PRRC2B: variants seen among roughly 807,000 people sequenced by gnomAD.
PRRC2B encodes protein PRRC2B.
A neutral mutation model predicts 242.3 loss-of-function variants in PRRC2B; 68 were observed. The ratio of observed to expected loss-of-function variants is 0.28; its 90% CI spans 0.23 to 0.34. The LOEUF is 0.34. PRRC2B is among the 10% of genes least tolerant of loss of function. The pLI is 1.00. For missense variants in PRRC2B, 2,835 were observed against 2,954.8 expected (o/e 0.96, Z 0.94); for synonymous variants, 1,228 against 1,173.6 (o/e 1.05, Z -0.95).
chr9:131,464,749 C>T lies in PRRC2B; in HGVS notation c.1405-14C>T. On this transcript the variant is annotated splice_polypyrimidine_tract_variant and intron_variant, in intron 11 of 31. Coordinates refer to ENST00000683519, the MANE Select transcript of PRRC2B (RefSeq NM_013318.4). The stretch of plus-strand genomic sequence containing the variant: ...CGGACCCACCGCCTTATCTCAGAGA[C>T]ATTCTCTTGGCAGAAGTCATCAATG... The T allele has an allele frequency of 4.5e-6, 7 of 1,563,308 alleles. No homozygotes were observed. The highest frequency in any genetic ancestry group is 6.1e-6 in the Non-Finnish European group (7 of 1,152,308).
intron 9 of PRRC2B, 96 bp downstream of exon 9, chr9:131,447,900 C>G: frequency 7.3e-7 from 1 of 1,367,374 alleles, no homozygotes; most frequent in Non-Finnish European, 9.8e-7. Context: ...GTGTGTTTTC[C>G]CTTGGCAAGA....
rs2966340 is a variant in PRRC2B at position 131,446,937 on chromosome 9, G to A, written c.856-148G>A. 0.81 allele frequency: 842,358 copies of A among 1,038,420 alleles called. 343,591 individuals are homozygous for A. Among genetic ancestry groups the A allele is most frequent in the East Asian group, 0.92 (35,927 of 39,108 alleles). The allele number at this position is 1,038,420 out of a possible 1,614,324, so 64.3% of individuals were successfully genotyped here. A position where few individuals can be genotyped will look rare whatever the true frequency, so the allele number is the denominator to read the frequency against. On this transcript the variant is annotated intron_variant, in intron 7 of 31. Transcript: ENST00000683519. This position sits in a 1 kb window ranked among gnomAD's most constrained non-coding sequence, Gnocchi z 4.1. ...TTACTGGCAGCAGGAATGAAATGGG[G>A]GAGATGGTGGTAGGATTAATTAGGA...
At chr9:131,454,331 ACTCACAAAT>A (rs1943009170) in intron 9 of PRRC2B, among the ~76,000 whole-genome samples, 1 of 152,208 alleles carries the variant, frequency 6.6e-6, no homozygotes, top group Non-Finnish European at 1.5e-5. Flanking sequence ...GCAAGTGGTA[ACTCACAAAT>A]CTCACAAGTC....
chr9:131,418,491 A>T (rs1186557527), intron 1 of PRRC2B, among the ~76,000 whole-genome samples: 1 of 152,098 alleles, frequency 6.6e-6, no homozygotes, highest in Non-Finnish European at 1.5e-5. Context: ...CTGTGAGGAC[A>T]TAGGGTTTAG....
At chr9:131,473,825 C>T in intron 15 of PRRC2B, 101 bp downstream of exon 15, 1 of 845,836 alleles carries the variant, frequency 1.2e-6, no homozygotes. Context: ...AGACACTGCC[C>T]ACGGGAGACG....
chr9:131,459,364 G>A lies in PRRC2B; in HGVS notation c.1404+8G>A. 6.2e-7 allele frequency: 1 copy of A among 1,609,018 alleles called. No homozygotes were observed. The highest frequency in any genetic ancestry group is 8.5e-7 in the Non-Finnish European group (1 of 1,177,590). On this transcript the variant is annotated splice_region_variant and intron_variant, in intron 11 of 31. Transcript: ENST00000683519. ...CCAGGCCCTGACTACCAGGTACCAA[G>A]GGCCCTTGGCTGTCCTGTGTATTTG...
At chr9:131,423,496 A>G (rs968744683) in intron 1 of PRRC2B, among the ~76,000 whole-genome samples, 2 of 152,194 alleles carry the variant, frequency 1.3e-5, no homozygotes, top group Non-Finnish European at 2.9e-5. Context: ...GTGGGGCCAG[A>G]TGCTTGTGGG....
chr9:131,458,266 G>A (rs1043998759), intron 10 of PRRC2B, among the ~76,000 whole-genome samples: 1 of 152,226 alleles, frequency 6.6e-6, no homozygotes, highest in East Asian at 1.9e-4. Context: ...AAAAGGAGAC[G>A]GACACGCACC....
intron 5 of PRRC2B, among the ~76,000 whole-genome samples, chr9:131,441,240 G>T (rs1006866313): frequency 3.3e-5 from 5 of 152,184 alleles, no homozygotes; most frequent in African/African-American, 1.2e-4. Flanking sequence ...AAAACTGCCA[G>T]TTTTTTTGAG....
chr9:131,485,245 A>G lies in PRRC2B; in HGVS notation c.5758+105A>G, dbSNP rs917786033. 1.6e-5 allele frequency: 15 copies of G among 958,534 alleles called. No homozygotes were observed. The South Asian group carries it at 2.1e-4, about 13-fold the overall frequency. The allele number at this position is 958,534 out of a possible 1,614,324, so 59.4% of individuals were successfully genotyped here. On this transcript the variant is annotated intron_variant, in intron 25 of 31. Transcript: ENST00000683519. Reference sequence around the variant, plus strand: ...ACCTCCTGGCCTTGTCTTAAGTAGCATGTAGAAGTAGCAACTTGTTTTTAG... The same window carrying G: ...ACCTCCTGGCCTTGTCTTAAGTAGCGTGTAGAAGTAGCAACTTGTTTTTAG...
Position 131,475,069 on chromosome 9 carries a change from C to T in PRRC2B, c.2940C>T (p.Ser980=), listed in dbSNP as rs190803792. 6.2e-7 allele frequency: 1 copy of T among 1,610,840 alleles called. No individual in the cohort carries two copies. Among genetic ancestry groups the T allele is most frequent in the Non-Finnish European group, 8.5e-7 (1 of 1,178,508 alleles). Residue 980 remains serine, a synonymous_variant, in exon 16 of 32, where the codon AGC becomes AGT. Coordinates refer to ENST00000683519, the MANE Select transcript of PRRC2B (RefSeq NM_013318.4). ...STRLAKEKEQ[S]PTAEKDEDEE... Reference sequence around the variant, plus strand: ...GGCTGGCCAAGGAGAAGGAGCAGAGCCCCACGGCAGAAAAGGATGAGGACG... The same window carrying T: ...GGCTGGCCAAGGAGAAGGAGCAGAGTCCCACGGCAGAAAAGGATGAGGACG...
intron 30 of PRRC2B, among the ~76,000 whole-genome samples, chr9:131,493,070 C>T (rs894724284): frequency 1.3e-5 from 2 of 152,288 alleles, no homozygotes; most frequent in African/African-American, 4.8e-5. Context: ...TACTTGTGGG[C>T]CTGAGGAGCG....
chr9:131,384,056 C>T (rs2478853), intron 1 of PRRC2B, among the ~76,000 whole-genome samples: 115,033 of 148,416 alleles, frequency 0.78, 44,819 homozygotes, highest in East Asian at 1. Context: ...TAGCTGGGAC[C>T]ACAGGCACGT....
In PRRC2B at chr9:131,482,678, G is replaced by T; in HGVS notation, c.5176-32G>T. 6.5e-7 allele frequency: 1 copy of T among 1,534,934 alleles called. No homozygotes were observed. The highest frequency in any genetic ancestry group is 8.8e-7 in the Non-Finnish European group (1 of 1,141,812). On this transcript the variant is annotated intron_variant, in intron 21 of 31. Transcript: ENST00000683519. The surrounding 1 kb of genome is among the most constrained non-coding windows in gnomAD (Gnocchi z 5.2). ...CTAGAGAGTGTGGTCATTCCAGTCT[G>T]TGTGTCTCCACCTCTCTGCTTTTTT...
rs1267388834 is a variant in PRRC2B, at chr9:131,477,812, C to G, written c.4475C>G (p.Ala1492Gly). ...AGTGGGAGTGGCCACTCCCCCTATG[C>G]CCTGGAGCGGGCAGCCCATGCCAGT... is the stretch of plus-strand genomic sequence containing the variant. ...CSSGSGHSPY[A>G]LERAAHASAD... is the part of the protein sequence containing the mutation. Residue 1492 changes from alanine (A) to glycine (G), a missense_variant, in exon 17 of 32, where the codon GCC (alanine) becomes GGC (glycine). Around this residue, in one of 7 missense-constraint regions of PRRC2B, gnomAD observed 1,536 missense variants for 1,483.1 expected, o/e 1.04. Coordinates refer to ENST00000683519, the MANE Select transcript of PRRC2B (RefSeq NM_013318.4). 5 of 1,612,614 alleles carry G rather than the reference C, an allele frequency of 3.1e-6. No individual in the cohort carries two copies. In the African/African-American group the frequency reaches 5.3e-5, roughly 17 times the overall value.
chr9:131,438,860 T>C, intron 4 of PRRC2B, 129 bp from the exon 5 acceptor site: 2 of 669,912 alleles, frequency 3.0e-6, no homozygotes. Flanking sequence ...GCTCAGAAAG[T>C]GGTGGTGGAT....
chr9:131,430,374 G>A, intron 2 of PRRC2B, 115 bp downstream of exon 2: 5 of 598,776 alleles, frequency 8.4e-6, no homozygotes, highest in Non-Finnish European at 1.5e-5. Context: ...CAGGCTTCTG[G>A]GTGTGCATGT....
rs1175730848 is a variant in PRRC2B, at chr9:131,499,493, C to T, written c.*3619C>T. ...GTCGTGTTCTGTGATGAATGGGAAA[C>T]GTAGGCTTCCAGAAAGCCAGCTCTC... On this transcript the variant is annotated 3_prime_UTR_variant, in exon 32 of 32. Transcript: ENST00000683519. 2 of 152,246 alleles carry T rather than the reference C, an allele frequency of 1.3e-5. No homozygotes were observed. Among genetic ancestry groups the T allele is most frequent in the African/African-American group, 4.8e-5 (2 of 41,454 alleles). The allele number at this position is 152,246 out of a possible 1,614,324, so 9.4% of individuals were successfully genotyped here.
intron 11 of PRRC2B, among the ~76,000 whole-genome samples, chr9:131,463,377 G>T (rs1190683654): frequency 1.3e-5 from 2 of 152,064 alleles, no homozygotes; most frequent in Non-Finnish European, 2.9e-5. Context: ...TCCTTGATTT[G>T]ATTTTTGACA....
Sources: allele counts gnomAD v4.1 joint callset (sites outside exome capture counted in the v4.1 genomes callset), GRCh38; gene constraint gnomAD v4.1.1; regional missense constraint gnomAD v4.1.1; non-coding constraint Gnocchi (gnomAD v3.1); transcripts MANE v1.5; gene names NCBI Gene and HGNC (gene_info 2026-07-23, HGNC 2026-07-21).